Variants in GOPC observed in about 807,000 individuals in gnomAD.
GOPC encodes the protein Golgi-associated PDZ and coiled-coil motif-containing protein.
Under a neutral mutation model 51.2 loss-of-function variants are expected in GOPC, and 32 were observed. That is an observed-to-expected ratio of 0.63 (90% CI 0.47 to 0.84). GOPC has a LOEUF of 0.84. GOPC is among the 40% of genes least tolerant of loss of function. GOPC has a pLI of 0.00. For missense variants in GOPC, 441 were observed against 555.5 expected (o/e 0.79, Z 2.07); for synonymous variants, 190 against 205.1 (o/e 0.93, Z 0.63).
At chr6:117,573,837 A>T (rs1779841380) in intron 4 of GOPC, among the ~76,000 whole-genome samples, 1 of 152,142 alleles carries the variant, frequency 6.6e-6, no homozygotes, top group Non-Finnish European at 1.5e-5. Context: ...AAAACCAGTA[A>T]AAAAAATTTT....
intron 1 of GOPC, among the ~76,000 whole-genome samples, chr6:117,597,529 C>T (rs1380976626): frequency 1.3e-5 from 2 of 152,172 alleles, no homozygotes. Flanking sequence ...TCTAGCATAG[C>T]CATGATCAAG....
At chr6:117,573,810 C>G (rs1392026991) in intron 4 of GOPC, among the ~76,000 whole-genome samples, 178 bp from the exon 5 acceptor site, 1 of 151,828 alleles carries the variant, frequency 6.6e-6, no homozygotes, top group African/African-American at 2.4e-5. Flanking sequence ...CTGAAAAGAA[C>G]AGGTATCCTC....
chr6:117,567,995 A>G (rs1002018110), intron 7 of GOPC, among the ~76,000 whole-genome samples: 1 of 146,950 alleles, frequency 6.8e-6, no homozygotes, highest in Admixed American at 6.9e-5. Flanking sequence ...ATTCTAGACC[A>G]GCCTGGGCAA....
chr6:117,586,615 G>A (rs1435585095), intron 1 of GOPC, among the ~76,000 whole-genome samples: 1 of 151,266 alleles, frequency 6.6e-6, no homozygotes, highest in Non-Finnish European at 1.5e-5. Context: ...CAAGTTAGCT[G>A]GGACTACAGG....
chr6:117,600,366 T>C (rs956638820), intron 1 of GOPC, among the ~76,000 whole-genome samples: 4 of 152,254 alleles, frequency 2.6e-5, no homozygotes, highest in Non-Finnish European at 4.4e-5. Context: ...AGAGTACTCA[T>C]GATCCAGTCT....
chr6:117,592,056 C>G (rs931872073), intron 1 of GOPC, among the ~76,000 whole-genome samples: 3 of 152,122 alleles, frequency 2.0e-5, no homozygotes, highest in African/African-American at 7.2e-5. Flanking sequence ...GTATAAACTT[C>G]CTAGGGCTGT....
At chr6:117,571,400 T>C (rs1005364216) in intron 5 of GOPC, among the ~76,000 whole-genome samples, 2 of 152,130 alleles carry the variant, frequency 1.3e-5, no homozygotes, top group African/African-American at 2.4e-5. Flanking sequence ...GGAGTCTACC[T>C]CTTAAATAAA....
intron 1 of GOPC, among the ~76,000 whole-genome samples, chr6:117,581,286 G>A (rs1779953990): frequency 6.6e-6 from 1 of 152,056 alleles, no homozygotes; most frequent in South Asian, 2.1e-4. Flanking sequence ...CCAAGATGTG[G>A]CATAATATAA....
rs774967762 is a variant in GOPC at position 117,567,078 on chromosome 6, G to T, written c.1078-44C>A. On this transcript the variant is annotated intron_variant, in intron 7 of 8. Coordinates refer to ENST00000368498, the MANE Select transcript of GOPC (RefSeq NM_020399.4). ...ATGAGAAAGTCAAGTTATTGTAATT[G>T]TAATTTAAAAAGGATTTCCAAATTC... 2.1e-6 allele frequency: 3 copies of T among 1,433,666 alleles called. No homozygotes were observed. The South Asian group carries it at 4.3e-5, about 21-fold the overall frequency. 88.8% of individuals were successfully genotyped at this position (1,433,666 alleles called of 1,614,324 possible). A position where few individuals can be genotyped will look rare whatever the true frequency, so the allele number is the denominator to read the frequency against.
intron 1 of GOPC, among the ~76,000 whole-genome samples, chr6:117,601,237 A>AT (rs1180742905): frequency 6.6e-6 from 1 of 152,172 alleles, no homozygotes; most frequent in Non-Finnish European, 1.5e-5. Flanking sequence ...TTTCTGCACA[A>AT]TATGATATTT....
chr6:117,568,672 A>T (rs1203952694), intron 7 of GOPC, among the ~76,000 whole-genome samples: 1 of 152,228 alleles, frequency 6.6e-6, no homozygotes, highest in East Asian at 1.9e-4. Flanking sequence ...TGACAGAATT[A>T]GATCTGTGAG....
chr6:117,585,799 A>G (rs1161161447), intron 1 of GOPC, among the ~76,000 whole-genome samples: 4 of 152,206 alleles, frequency 2.6e-5, no homozygotes, highest in African/African-American at 9.7e-5. Context: ...ACTTGTGAGC[A>G]TACACAGGTA....
chr6:117,565,339 AT>A (rs1779674805), intron 8 of GOPC, among the ~76,000 whole-genome samples: 1 of 152,312 alleles, frequency 6.6e-6, no homozygotes, highest in African/African-American at 2.4e-5. Flanking sequence ...ATGGAAGAGT[AT>A]TTTAACAGCC....
chr6:117,575,552 A>G (rs1400931085), intron 3 of GOPC, 200 bp from the exon 4 acceptor site: 1 of 749,486 alleles, frequency 1.3e-6, no homozygotes, highest in Non-Finnish European at 2.4e-6. Context: ...ATTGCACGCC[A>G]TGGGTTACCC....
intron 1 of GOPC, among the ~76,000 whole-genome samples, chr6:117,583,611 T>G (rs1192419009): frequency 6.6e-6 from 1 of 152,232 alleles, no homozygotes; most frequent in East Asian, 1.9e-4. Context: ...TATAACATAA[T>G]ACACATGTAA....
chr6:117,602,017 T>A lies in GOPC; in HGVS notation c.272A>T (p.Asn91Ile). 6.2e-7 allele frequency: 1 copy of A among 1,614,060 alleles called. No homozygotes were observed. ...CCCACGGCTCACCTCCAGCTTGTGG[T>A]TGATTTGAGACACAGACTGGGCTTT... Reference protein sequence around the residue: ...CHKAQSVSQINHKLEAQLVDL... With the variant: ...CHKAQSVSQIIHKLEAQLVDL... Residue 91 changes from asparagine to isoleucine, a missense_variant, in exon 1 of 9, where the codon AAC becomes ATC. Transcript: ENST00000368498.
intron 7 of GOPC, among the ~76,000 whole-genome samples, chr6:117,568,016 C>G (rs1165929139): frequency 6.9e-6 from 1 of 143,896 alleles, no homozygotes; most frequent in Non-Finnish European, 1.5e-5. Flanking sequence ...CATGGCAAAA[C>G]CCATCTCTAC....
intron 1 of GOPC, among the ~76,000 whole-genome samples, chr6:117,601,734 CAT>C (rs1328790912): frequency 2.6e-5 from 4 of 152,286 alleles, no homozygotes; most frequent in African/African-American, 7.2e-5. Flanking sequence ...GTTAATGTAA[CAT>C]GTGCAATGGA....
chr6:117,567,382 A>G (rs1779720027), intron 7 of GOPC, among the ~76,000 whole-genome samples: 1 of 152,198 alleles, frequency 6.6e-6, no homozygotes, highest in African/African-American at 2.4e-5. Context: ...TGTACTGCAC[A>G]CAGCAATTCA....
Sources: gnomAD v4.1 joint callset for allele counts (sites outside exome capture counted in the v4.1 genomes callset) on GRCh38, gnomAD v4.1.1 for gene constraint, MANE v1.5 for transcripts, NCBI Gene and HGNC (gene_info 2026-07-23, HGNC 2026-07-21) for gene names.